S100Z: variants seen among roughly 807,000 people sequenced by gnomAD.
The protein encoded by S100Z is S100 calcium binding protein Z, also known as protein S100-Z.
A neutral mutation model predicts 8.5 loss-of-function variants in S100Z; 11 were observed. The observed-to-expected ratio is 1.30, with a 90% CI of 0.82 to 2.15. S100Z has a LOEUF of 2.15. Ranked by LOEUF, S100Z falls within the 30% of genes most tolerant of loss-of-function variation. The pLI, the probability that S100Z is intolerant of heterozygous loss-of-function variation, is 0.00. For missense variants in S100Z, 126 were observed against 117.9 expected (o/e 1.07, Z -0.32); for synonymous variants, 34 against 43.8 (o/e 0.78, Z 0.89).
At chr5:76,896,532 C>T (rs1195136052) in intron 4 of S100Z, among the ~76,000 whole-genome samples, 3 of 39,724 alleles carry the variant, frequency 7.6e-5, no homozygotes, top group Non-Finnish European at 3.1e-4. Context: ...GATTTCCTTT[C>T]TTTTGGGTAT....
the S100Z span, among the ~76,000 whole-genome samples, chr5:76,940,782 C>T: frequency 2.6e-5 from 4 of 152,126 alleles, no homozygotes; most frequent in African/African-American, 9.7e-5. Flanking sequence ...TTAGTTTCTA[C>T]CAAATGTTCT....
At chr5:76,868,076 T>C (rs1742848319) in intron 1 of S100Z, among the ~76,000 whole-genome samples, 2 of 152,218 alleles carry the variant, frequency 1.3e-5, no homozygotes, top group African/African-American at 4.8e-5. Context: ...CCTCCTGGGA[T>C]TTCATGTCAC....
Position 76,855,444 on chromosome 5 carries a change from G to A in S100Z, c.-176+5289G>A, listed in dbSNP as rs141823275. Among the ~76,000 whole-genome samples the A allele has an allele frequency of 1.3e-3, 205 of 152,324 alleles. 1 individual carries two copies. In the Middle Eastern group the frequency reaches 0.02, roughly 15 times the overall value. Reference sequence around the variant, plus strand: ...AGGCCTTCGGAGTCCACCCCTTGCAGCAGTGTGCCCTGAGACTTCATGTGA... The same window carrying A: ...AGGCCTTCGGAGTCCACCCCTTGCAACAGTGTGCCCTGAGACTTCATGTGA... On this transcript the variant is annotated intron_variant, in intron 1 of 4. Transcript: ENST00000317593.
At chr5:76,866,170 C>T (rs1208557305) in intron 1 of S100Z, among the ~76,000 whole-genome samples, 1 of 151,598 alleles carries the variant, frequency 6.6e-6, no homozygotes, top group Non-Finnish European at 1.5e-5. Context: ...CTGCAACCTC[C>T]ACCTCCCAGC....
At chr5:76,862,262 G>C (rs1751080240) in intron 1 of S100Z, among the ~76,000 whole-genome samples, 1 of 152,074 alleles carries the variant, frequency 6.6e-6, no homozygotes, top group African/African-American at 2.4e-5. Flanking sequence ...GTAATGAAGG[G>C]TTGGGGCATA....
At chr5:76,943,841 T>C in the S100Z span, among the ~76,000 whole-genome samples, 1 of 152,154 alleles carries the variant, frequency 6.6e-6, no homozygotes, top group Admixed American at 6.5e-5. Flanking sequence ...TTTGTTTCCA[T>C]TCTATTAGCC....
intron 4 of S100Z, among the ~76,000 whole-genome samples, chr5:76,907,455 C>G (rs1244420572): frequency 1.3e-5 from 2 of 152,198 alleles, no homozygotes; most frequent in South Asian, 2.1e-4. Context: ...AGGGGCCCGC[C>G]ACCATGCCCG....
chr5:76,944,538 G>A, the S100Z span, among the ~76,000 whole-genome samples: 1 of 152,210 alleles, frequency 6.6e-6, no homozygotes, highest in Non-Finnish European at 1.5e-5. Context: ...AGGAGGGTGG[G>A]TAGGAAGGGG....
At chr5:76,905,342 T>C (rs1421795815) in intron 4 of S100Z, among the ~76,000 whole-genome samples, 1 of 152,188 alleles carries the variant, frequency 6.6e-6, no homozygotes, top group African/African-American at 2.4e-5. Flanking sequence ...GGCTTATTTC[T>C]TGAAAATTTT....
intron 4 of S100Z, among the ~76,000 whole-genome samples, chr5:76,891,393 A>C (rs1743849005): frequency 6.6e-6 from 1 of 152,180 alleles, no homozygotes; most frequent in Non-Finnish European, 1.5e-5. Flanking sequence ...GGGGATTCTA[A>C]ATTCAACCAG....
At chr5:76,900,997 C>A (rs1744207422) in intron 4 of S100Z, among the ~76,000 whole-genome samples, 1 of 152,194 alleles carries the variant, frequency 6.6e-6, no homozygotes. Flanking sequence ...CCTTGAATGT[C>A]TTGGACAAGA....
At chr5:76,938,016 C>T in the S100Z span, among the ~76,000 whole-genome samples, 2 of 151,982 alleles carry the variant, frequency 1.3e-5, no homozygotes, top group Non-Finnish European at 2.9e-5. Flanking sequence ...AGAGTTTGAA[C>T]CCAGCAGGCA....
chr5:76,946,983 A>G, the S100Z span, among the ~76,000 whole-genome samples: 1 of 150,604 alleles, frequency 6.6e-6, no homozygotes, highest in African/African-American at 2.5e-5. Flanking sequence ...TCCTGTTATG[A>G]CAACATCCTA....
At chr5:76,944,533 G>A in the S100Z span, among the ~76,000 whole-genome samples, 2 of 152,190 alleles carry the variant, frequency 1.3e-5, no homozygotes, top group South Asian at 4.2e-4. Context: ...AAGGAAGGAG[G>A]GTGGGTAGGA....
chr5:76,898,450 C>A (rs1394676929), intron 4 of S100Z, among the ~76,000 whole-genome samples: 5 of 152,164 alleles, frequency 3.3e-5, no homozygotes, highest in Non-Finnish European at 5.9e-5. Context: ...CAGGCATCAG[C>A]CACTGCGCCA....
intron 1 of S100Z, among the ~76,000 whole-genome samples, chr5:76,868,645 A>G: frequency 8.1e-6 from 1 of 122,900 alleles, no homozygotes; most frequent in African/African-American, 3.2e-5. Context: ...TTTTTTTGCG[A>G]CAGAGTCTGG....
intron 4 of S100Z, among the ~76,000 whole-genome samples, chr5:76,920,108 C>T (rs1744993639): frequency 6.6e-6 from 1 of 152,072 alleles, no homozygotes; most frequent in Non-Finnish European, 1.5e-5. Context: ...TGGGGTTTCA[C>T]CATGTTGGCC....
At chr5:76,949,661 A>C in the S100Z span, among the ~76,000 whole-genome samples, 117 of 152,362 alleles carry the variant, frequency 7.7e-4, no homozygotes, top group African/African-American at 2.8e-3. Context: ...ATACTACAGC[A>C]TGGATGAAAC....
the S100Z span, among the ~76,000 whole-genome samples, chr5:76,936,383 C>A: frequency 9.2e-5 from 14 of 151,874 alleles, no homozygotes; most frequent in African/African-American, 3.1e-4. Context: ...ATGTACATAT[C>A]TAAAAGGATA....
Sources: allele counts gnomAD v4.1 joint callset (sites outside exome capture counted in the v4.1 genomes callset), GRCh38; gene constraint gnomAD v4.1.1; transcripts MANE v1.5; gene names NCBI Gene and HGNC (gene_info 2026-07-23, HGNC 2026-07-21).